PCDHGA11: variants seen among roughly 807,000 people sequenced by gnomAD.
PCDHGA11 encodes the protein protocadherin gamma subfamily A, 11, also known as protocadherin gamma-A11.
PCDHGA11 carries 39 observed loss-of-function variants against 60.4 expected under a neutral mutation model. The observed-to-expected ratio is 0.65, with a 90% CI of 0.50 to 0.84. The LOEUF is 0.84. Among genes scored for constraint, PCDHGA11 ranks in the 40% least tolerant of loss-of-function variants. The pLI, the probability that PCDHGA11 is intolerant of heterozygous loss-of-function variation, is 0.00. For synonymous variants in PCDHGA11, 533 were observed against 510.3 expected (o/e 1.04, Z -0.60); for missense variants, 1,165 against 1,197.7 (o/e 0.97, Z 0.40).
At chr5:141,472,347 C>G (rs992566469) in intron 1 of PCDHGA11, among the ~76,000 whole-genome samples, 11 of 152,028 alleles carry the variant, frequency 7.2e-5, no homozygotes, top group Non-Finnish European at 1.2e-4. Context: ...CGAGACCATC[C>G]TGGCTAACAC....
At position 141,422,526 on chromosome 5, in the gene PCDHGA11, G is replaced by A. The variant is rs956066609; in HGVS notation, c.1299G>A (p.Leu433=). 9 of 1,613,866 alleles carry A rather than the reference G, an allele frequency of 5.6e-6. No homozygotes were observed. In the African/African-American group the frequency reaches 1.1e-4, roughly 19 times the overall value. The stretch of plus-strand genomic sequence containing the variant: ...CCACAGACCAGGGAAGCCCGCCTTT[G>A]TCTGCAGAAACTCATGTCTGGCTGA... ...LTATDQGSPP[L]SAETHVWLNV... Residue 433 remains leucine (L), a synonymous_variant, in exon 1 of 4, where the codon TTG becomes TTA. Coordinates refer to ENST00000398587, the MANE Select transcript of PCDHGA11 (RefSeq NM_018914.3).
Position 141,421,488 on chromosome 5 carries a change from G to A in PCDHGA11, c.261G>A (p.Thr87=). The change falls in exon 1 of 4, where the codon ACG becomes ACA. Residue 87 remains threonine, a synonymous_variant. Transcript: ENST00000398587. ...ATCCGCGAAGCGGCAGCTTGATCAC[G>A]GCAGGCAGGATAGACCGGGAGGAGC... ...AVNPRSGSLI[T]AGRIDREELC... The A allele has an allele frequency of 1.9e-6, 3 of 1,614,100 alleles. No homozygotes were observed. In the South Asian group the frequency reaches 3.3e-5, roughly 18 times the overall value.
rs143939286 is a variant in PCDHGA11 at position 141,427,522 on chromosome 5, T to C, written c.2433+3862T>C. 6.1e-3 allele frequency: 3,716 copies of C among 607,796 alleles called. 27 individuals are homozygous for C. The highest frequency in any genetic ancestry group is 8.8e-3 in the Non-Finnish European group (2,868 of 324,656). The allele number at this position is 607,796 out of a possible 1,614,324, so 37.7% of individuals were successfully genotyped here. A position where few individuals can be genotyped will look rare whatever the true frequency, so the allele number is the denominator to read the frequency against. On this transcript the variant is annotated intron_variant, in intron 1 of 3. Transcript: ENST00000398587. ...GATGGGACCCTGGATTGGGAGCGGATCCCGGAGTACAACGTCACCATCACT... is the reference window on the plus strand; with the variant it reads ...GATGGGACCCTGGATTGGGAGCGGACCCCGGAGTACAACGTCACCATCACT...
chr5:141,459,232 G>C (rs1293027771), intron 1 of PCDHGA11, among the ~76,000 whole-genome samples: 1 of 152,152 alleles, frequency 6.6e-6, no homozygotes, highest in Non-Finnish European at 1.5e-5. Context: ...GCAACAACTG[G>C]TCTGCTTCCT....
intron 1 of PCDHGA11, among the ~76,000 whole-genome samples, chr5:141,482,104 AAT>A (rs1452930297): frequency 2.7e-5 from 4 of 150,286 alleles, no homozygotes; most frequent in Non-Finnish European, 5.9e-5. Context: ...AAAAAAAAAA[AAT>A]ATCTAGAGAT....
intron 1 of PCDHGA11, chr5:141,478,865 T>G: frequency 7.5e-7 from 1 of 1,326,190 alleles, no homozygotes; most frequent in Non-Finnish European, 1.0e-6. Context: ...ATCTCAGCGA[T>G]CAGAGTTTAG....
chr5:141,504,848 C>G (rs181277525), intron 2 of PCDHGA11, among the ~76,000 whole-genome samples: 1 of 152,236 alleles, frequency 6.6e-6, no homozygotes, highest in Non-Finnish European at 1.5e-5. Context: ...CTGGAACATT[C>G]TCTTCCATTT....
chr5:141,438,631 TATATACACACAC>T (rs1290318462), intron 1 of PCDHGA11, among the ~76,000 whole-genome samples: 214 of 43,192 alleles, frequency 5.0e-3, no homozygotes, highest in Non-Finnish European at 6.1e-3. Flanking sequence ...TATATATATA[TATATACACACAC>T]ACACACACAT....
intron 1 of PCDHGA11, chr5:141,423,945 A>T (rs931771609): frequency 4.1e-6 from 5 of 1,207,688 alleles, no homozygotes; most frequent in Non-Finnish European, 4.1e-6. Context: ...AGTAAGTTGA[A>T]TTTTAGTATT....
intron 1 of PCDHGA11, among the ~76,000 whole-genome samples, chr5:141,450,013 T>A (rs1178482524): frequency 7.4e-6 from 1 of 135,940 alleles, no homozygotes; most frequent in African/African-American, 3.2e-5. Flanking sequence ...TCTCTTTTTT[T>A]TTTTTTTTTT....
chr5:141,472,564 A>G (rs1471933375), intron 1 of PCDHGA11, among the ~76,000 whole-genome samples: 6 of 152,050 alleles, frequency 3.9e-5, no homozygotes, highest in Admixed American at 2.6e-4. Context: ...TATATTATAA[A>G]TGCTGCATCT....
intron 2 of PCDHGA11, among the ~76,000 whole-genome samples, chr5:141,497,614 A>C (rs1377740795): frequency 6.8e-6 from 1 of 146,530 alleles, no homozygotes; most frequent in African/African-American, 2.6e-5. Context: ...ATCTTGGCTC[A>C]CTGCAACCTC....
intron 1 of PCDHGA11, among the ~76,000 whole-genome samples, chr5:141,482,179 G>A (rs1398839482): frequency 6.6e-6 from 1 of 152,040 alleles, no homozygotes; most frequent in Non-Finnish European, 1.5e-5. Flanking sequence ...AAGGCTTTAC[G>A]ATGCTCCAGT....
intron 3 of PCDHGA11, among the ~76,000 whole-genome samples, chr5:141,509,049 C>G (rs1384134813): frequency 3.3e-5 from 5 of 152,150 alleles, no homozygotes; most frequent in Non-Finnish European, 5.9e-5. Context: ...TCCCCCGCCC[C>G]CAGAAAGCTC....
chr5:141,476,229 C>A lies in PCDHGA11; in HGVS notation c.2434-18578C>A, dbSNP rs761790915. The A allele has an allele frequency of 1.9e-6, 3 of 1,613,872 alleles. No homozygotes were observed. The South Asian group carries it at 3.3e-5, about 18-fold the overall frequency. ...TCCACGGTCATTCACTATGAGATCC[C>A]GGAGGAAAGAGAGAAGGGTTTCGCT... On this transcript the variant is annotated intron_variant, in intron 1 of 3. Transcript: ENST00000398587. This position sits in a 1 kb window ranked among gnomAD's most constrained non-coding sequence, Gnocchi z 7.6.
rs1008664105 is a variant in PCDHGA11, at chr5:141,432,402, T to C, written c.2433+8742T>C. 6.2e-7 allele frequency: 1 copy of C among 1,614,194 alleles called. No homozygotes were observed. The highest frequency in any genetic ancestry group is 1.1e-5 in the South Asian group (1 of 91,082). On this transcript the variant is annotated intron_variant, in intron 1 of 3. Transcript: ENST00000398587. The surrounding 1 kb of genome is among the most constrained non-coding windows in gnomAD (Gnocchi z 6.0). ...CCGCCCCTCAGCAGCAACGTGTCGT[T>C]GAGCCTGTTCGTGCTGGACCAGAAC...
At chr5:141,438,585 TAC>T (rs1561889967) in intron 1 of PCDHGA11, among the ~76,000 whole-genome samples, 141 of 61,160 alleles carry the variant, frequency 2.3e-3, no homozygotes, top group South Asian at 4.3e-3. Flanking sequence ...CATACATACA[TAC>T]ATACATATAT....
At chr5:141,448,802 A>G (rs897172074) in intron 1 of PCDHGA11, among the ~76,000 whole-genome samples, 14 of 152,044 alleles carry the variant, frequency 9.2e-5, no homozygotes, top group Non-Finnish European at 1.8e-4. Flanking sequence ...AAAATTAGCC[A>G]GGCGTGATGG....
At chr5:141,510,898 T>C in intron 3 of PCDHGA11, 49 bp from the exon 4 acceptor site, 1 of 1,613,278 alleles carries the variant, frequency 6.2e-7, no homozygotes, top group Non-Finnish European at 8.5e-7. Context: ...ACAGTGACTG[T>C]TGAGGACCCT....
Sources: allele counts gnomAD v4.1 joint callset (sites outside exome capture counted in the v4.1 genomes callset), GRCh38; gene constraint gnomAD v4.1.1; non-coding constraint Gnocchi (gnomAD v3.1); transcripts MANE v1.5; gene names NCBI Gene and HGNC (gene_info 2026-07-23, HGNC 2026-07-21).